The following GFOD2 variants were observed in gnomAD, a reference collection of about 807,000 sequenced individuals.
The protein encoded by GFOD2 is glucose-fructose oxidoreductase domain-containing protein 2.
A neutral mutation model predicts 24.6 loss-of-function variants in GFOD2; 9 were observed. The ratio of observed to expected loss-of-function variants is 0.37; its 90% confidence interval spans 0.22 to 0.64. The LOEUF (loss-of-function observed/expected upper bound fraction) is 0.64. Ranked by LOEUF, GFOD2 falls within the 30% of genes least tolerant of loss-of-function variation. The pLI is 0.65. For missense variants in GFOD2, 476 were observed against 532.5 expected (o/e 0.89, Z 1.04); for synonymous variants, 211 against 224.8 (o/e 0.94, Z 0.55).
chr16:67,681,134 C>T, intron 2 of GFOD2: 1 of 985,446 alleles, frequency 1.0e-6, no homozygotes. Context: ...GGCTGCTGAA[C>T]ACATATGGCT....
chr16:67,687,411 C>T lies in GFOD2; in HGVS notation c.-87-1609G>A, dbSNP rs112206338. On this transcript the variant is annotated intron_variant, in intron 1 of 2. Transcript: ENST00000268797. ...ATCCCAGCACTTTGGGAGGCCGAGG[C>T]GGGCGGATCACGAGGTCAGGAGATA... Among the ~76,000 whole-genome samples, 518 of 151,550 alleles carry T rather than the reference C, an allele frequency of 3.4e-3. 5 individuals carry two copies. The highest frequency in any genetic ancestry group is 0.012 in the African/African-American group (479 of 41,378).
intron 1 of GFOD2, among the ~76,000 whole-genome samples, chr16:67,697,108 G>A (rs2053364827): frequency 1.3e-5 from 2 of 152,156 alleles, no homozygotes; most frequent in Non-Finnish European, 2.9e-5. Flanking sequence ...GTGTGCCTTG[G>A]CAGGACAGGC....
chr16:67,706,456 GA>G (rs1401577808), intron 1 of GFOD2, among the ~76,000 whole-genome samples: 1 of 151,952 alleles, frequency 6.6e-6, no homozygotes, highest in Admixed American at 6.6e-5. Context: ...ATTCAATGGG[GA>G]AAAAAATTCT....
Position 67,675,309 on chromosome 16 carries a change from G to A in GFOD2, c.1004C>T (p.Ala335Val), listed in dbSNP as rs1341005719. The A allele has an allele frequency of 6.2e-7, 1 of 1,612,806 alleles. No homozygotes were observed. The highest frequency in any genetic ancestry group is 8.5e-7 in the Non-Finnish European group (1 of 1,180,032). Residue 335 changes from alanine (A) to valine (V), a missense_variant, in exon 3 of 3, where the codon GCC (alanine) becomes GTC (valine). Coordinates refer to ENST00000268797, the MANE Select transcript of GFOD2 (RefSeq NM_030819.4). ...GTACAGCCCATCCTCGAAGGAGGCG[G>A]CCATGGAGACAGGGGTGCGGTCCCA... ...RTWDRTPVSM[A>V]ASFEDGLYMQ...
At position 67,675,449 on chromosome 16, in the gene GFOD2, G is replaced by T; in HGVS notation, c.864C>A (p.Gly288=). 1 of 1,612,338 alleles carries T rather than the reference G, an allele frequency of 6.2e-7. No individual in the cohort carries two copies. Residue 288 remains glycine, a synonymous_variant, in exon 3 of 3, where the codon GGC becomes GGA. Transcript: ENST00000268797. ...ELLLRDSLAV[G]AGLPEQGPQD... is the part of the protein sequence containing the mutation. The stretch of plus-strand genomic sequence containing the variant: ...GGGGCCCCTGCTCAGGCAGTCCTGC[G>T]CCCACTGCCAGCGAGTCCCTCAAGA...
chr16:67,684,686 A>C, intron 2 of GFOD2: 1 of 920,532 alleles, frequency 1.1e-6, no homozygotes, highest in Middle Eastern at 5.6e-4. Context: ...ACAAGAGGGA[A>C]ACTCTGTCTC....
chr16:67,694,088 A>T (rs2053338414), intron 1 of GFOD2, among the ~76,000 whole-genome samples: 1 of 151,834 alleles, frequency 6.6e-6, no homozygotes, highest in South Asian at 2.1e-4. Context: ...CCGAGCTCTG[A>T]GGCTGAGGCG....
intron 2 of GFOD2, chr16:67,683,428 C>A: frequency 8.1e-7 from 1 of 1,229,740 alleles, no homozygotes; most frequent in South Asian, 4.2e-5. Flanking sequence ...AGTCAAGTGA[C>A]CAATAGCGGC....
chr16:67,704,584 A>G (rs2053426988), intron 1 of GFOD2, among the ~76,000 whole-genome samples: 1 of 152,180 alleles, frequency 6.6e-6, no homozygotes, highest in Non-Finnish European at 1.5e-5. Context: ...TAAATAAATG[A>G]TATTTATATT....
rs1206337026 is a variant in GFOD2 at position 67,675,849 on chromosome 16, C to A, written c.464G>T (p.Gly155Val). 1 of 1,614,158 alleles carries A rather than the reference C, an allele frequency of 6.2e-7. No individual in the cohort carries two copies. The highest frequency in any genetic ancestry group is 2.2e-5 in the East Asian group (1 of 44,876). ...GCCATAGCTGGGGCTCAGCAGGCTG[C>A]CTGAGTAGATGCGGGCATCACAGAT... ...VMICDARIYS[G>V]SLLSPSYGWI... The change falls in exon 3 of 3, where the codon GGC becomes GTC. Residue 155 changes from glycine to valine, a missense_variant. Coordinates refer to ENST00000268797, the MANE Select transcript of GFOD2 (RefSeq NM_030819.4).
intron 2 of GFOD2, chr16:67,683,226 T>C (rs1038800070): frequency 7.3e-5 from 77 of 1,055,566 alleles, no homozygotes; most frequent in Non-Finnish European, 8.3e-5. Flanking sequence ...TGGTGGAGCA[T>C]ACCAAGAACC....
rs559106423 is a variant in GFOD2, at chr16:67,689,127, C to G, written c.-87-3325G>C. Among the ~76,000 whole-genome samples, 20 of 151,716 alleles carry G rather than the reference C, an allele frequency of 1.3e-4. No homozygotes were observed. In the South Asian group the frequency reaches 3.1e-3, roughly 24 times the overall value. On this transcript the variant is annotated intron_variant, in intron 1 of 2. Transcript: ENST00000268797. ...CAATCTCAGCTTACTGCAACCTCCCCCTCCTGGTTTCGAGCGATTCTCCTG... is the reference window on the plus strand; with the variant it reads ...CAATCTCAGCTTACTGCAACCTCCCGCTCCTGGTTTCGAGCGATTCTCCTG...
intron 1 of GFOD2, among the ~76,000 whole-genome samples, chr16:67,697,842 G>A (rs1353046956): frequency 6.6e-6 from 1 of 152,094 alleles, no homozygotes; most frequent in Non-Finnish European, 1.5e-5. Context: ...GGGAGCTGTG[G>A]GACATAAAAA....
intron 1 of GFOD2, among the ~76,000 whole-genome samples, chr16:67,691,497 A>C (rs2053312549): frequency 3.4e-5 from 5 of 148,198 alleles, no homozygotes; most frequent in South Asian, 2.1e-4. Flanking sequence ...AGCAAGTCAC[A>C]CTGTGCCTAG....
At chr16:67,702,543 A>G (rs1425296069) in intron 1 of GFOD2, among the ~76,000 whole-genome samples, 1 of 151,488 alleles carries the variant, frequency 6.6e-6, no homozygotes, top group Non-Finnish European at 1.5e-5. Flanking sequence ...GCTCTGTTAT[A>G]AGGCCCAGGA....
At chr16:67,702,062 G>A (rs959006637) in intron 1 of GFOD2, among the ~76,000 whole-genome samples, 17 of 152,190 alleles carry the variant, frequency 1.1e-4, no homozygotes, top group African/African-American at 4.1e-4. Context: ...TTTGTAAATA[G>A]TTCTATGGGT....
chr16:67,698,380 C>G (rs1236487827), intron 1 of GFOD2, among the ~76,000 whole-genome samples: 1 of 152,202 alleles, frequency 6.6e-6, no homozygotes, highest in Non-Finnish European at 1.5e-5. Flanking sequence ...TGAATAATCC[C>G]TTCATTAAAG....
At chr16:67,677,635 A>T (rs1402992558) in intron 2 of GFOD2, 1 of 152,368 alleles carries the variant, frequency 6.6e-6, no homozygotes, top group Non-Finnish European at 1.5e-5. Flanking sequence ...AGAGGCAATG[A>T]TCACGAAATG....
At chr16:67,710,802 C>T (rs917037513) in intron 1 of GFOD2, among the ~76,000 whole-genome samples, 1 of 152,168 alleles carries the variant, frequency 6.6e-6, no homozygotes, top group African/African-American at 2.4e-5. Context: ...CTGACCCCTA[C>T]CCTGCTCCTT....
Sources: gnomAD v4.1 joint callset for allele counts (sites outside exome capture counted in the v4.1 genomes callset) on GRCh38, gnomAD v4.1.1 for gene constraint, MANE v1.5 for transcripts, NCBI Gene and HGNC (gene_info 2026-07-23, HGNC 2026-07-21) for gene names.